Variants in NRG3 observed in about 807,000 individuals in gnomAD.
NRG3 encodes the protein pro-neuregulin-3, membrane-bound isoform.
Under a neutral mutation model 66.9 loss-of-function variants are expected in NRG3, and 31 were observed. That is an observed-to-expected ratio of 0.46 (90% confidence interval 0.35 to 0.63). NRG3 has a LOEUF of 0.63. Among genes scored for constraint, NRG3 ranks in the 20% least tolerant of loss-of-function variants. The pLI, the probability that NRG3 is intolerant of heterozygous loss-of-function variation, is 0.00. For synonymous variants in NRG3, 393 were observed against 359.4 expected, an observed-to-expected ratio of 1.09 and a Z score of -1.06; for missense variants, 910 against 878.9, an observed-to-expected ratio of 1.04 and a Z score of -0.45.
chr10:82,681,277 A>G (rs1053029890), intron 2 of NRG3, among the ~76,000 whole-genome samples: 1 of 149,678 alleles, frequency 6.7e-6, no homozygotes. Flanking sequence ...AATTTACTAT[A>G]TTTTCTGAAA....
intron 1 of NRG3, among the ~76,000 whole-genome samples, chr10:82,044,109 A>G (rs2063157256): frequency 6.6e-6 from 1 of 151,958 alleles, no homozygotes; most frequent in Non-Finnish European, 1.5e-5. Context: ...TCCTACCACC[A>G]CACAGTTAAC....
At chr10:82,887,543 C>T (rs1182017350) in intron 4 of NRG3, among the ~76,000 whole-genome samples, 1 of 152,166 alleles carries the variant, frequency 6.6e-6, no homozygotes, top group Admixed American at 6.5e-5. Flanking sequence ...TGCATGAAAG[C>T]ATGACACGTA....
intron 2 of NRG3, among the ~76,000 whole-genome samples, chr10:82,588,128 G>A (rs912353689): frequency 6.6e-6 from 1 of 152,062 alleles, no homozygotes; most frequent in Non-Finnish European, 1.5e-5. Flanking sequence ...GTGAGCACAG[G>A]CCTACCCAGG....
intron 2 of NRG3, among the ~76,000 whole-genome samples, chr10:82,599,958 G>T (rs2047517615): frequency 1.3e-5 from 2 of 152,112 alleles, no homozygotes; most frequent in South Asian, 2.1e-4. Context: ...ATATCTCAGA[G>T]CTGTCCAATG....
At chr10:82,429,132 T>A (rs1937981) in intron 2 of NRG3, among the ~76,000 whole-genome samples, 35,488 of 151,906 alleles carry the variant, frequency 0.23, 6,452 homozygotes, top group African/African-American at 0.51. Flanking sequence ...TCCTCTTTGT[T>A]CTATTATTGA....
chr10:82,872,204 C>T (rs975559924), intron 4 of NRG3, among the ~76,000 whole-genome samples: 9 of 152,138 alleles, frequency 5.9e-5, no homozygotes, highest in South Asian at 2.1e-4. Flanking sequence ...TGATGGATTA[C>T]ATTAATTATT....
chr10:82,707,900 T>C (rs1469500061), intron 2 of NRG3, among the ~76,000 whole-genome samples: 2 of 147,008 alleles, frequency 1.4e-5, no homozygotes, highest in African/African-American at 5.0e-5. Context: ...CGCATGCCTG[T>C]AATCCCAGCT....
intron 2 of NRG3, among the ~76,000 whole-genome samples, chr10:82,612,289 C>A (rs537705191): frequency 2.6e-5 from 4 of 151,936 alleles, no homozygotes; most frequent in Non-Finnish European, 4.4e-5. Context: ...TCCTTTCTTC[C>A]TTCCATCTTG....
chr10:81,998,693 A>T (rs1212757818), intron 1 of NRG3, among the ~76,000 whole-genome samples: 3 of 152,222 alleles, frequency 2.0e-5, no homozygotes, highest in Non-Finnish European at 4.4e-5. Flanking sequence ...AATGTTAATC[A>T]TCTCCTCTAT....
chr10:82,548,039 G>GT (rs57096412), intron 2 of NRG3, among the ~76,000 whole-genome samples: 8,749 of 120,956 alleles, frequency 0.072, 629 homozygotes, highest in East Asian at 0.2. Flanking sequence ...CTCATGCCAC[G>GT]TTTTTTTTTT....
intron 2 of NRG3, among the ~76,000 whole-genome samples, chr10:82,443,836 C>T (rs574608769): frequency 6.6e-6 from 1 of 152,276 alleles, no homozygotes; most frequent in South Asian, 2.1e-4. Flanking sequence ...CCTGGAAACT[C>T]ACTATGATGT....
chr10:82,976,770 C>G (rs540418863), intron 7 of NRG3, among the ~76,000 whole-genome samples: 34 of 152,128 alleles, frequency 2.2e-4, no homozygotes, highest in Admixed American at 7.2e-4. Context: ...GCACTTGTGT[C>G]CCCTTCCTCC....
intron 2 of NRG3, among the ~76,000 whole-genome samples, chr10:82,410,986 G>A (rs1219428994): frequency 6.6e-6 from 1 of 152,086 alleles, no homozygotes. Context: ...TTGCAAATCT[G>A]TATTTCAAAG....
At chr10:82,681,021 G>T (rs907012829) in intron 2 of NRG3, among the ~76,000 whole-genome samples, 1 of 152,316 alleles carries the variant, frequency 6.6e-6, no homozygotes, top group Middle Eastern at 3.4e-3. Flanking sequence ...GAGCCTTGAA[G>T]CCCAGGGTCT....
chr10:82,665,238 G>A (rs968662610), intron 2 of NRG3, among the ~76,000 whole-genome samples: 1 of 152,160 alleles, frequency 6.6e-6, no homozygotes, highest in African/African-American at 2.4e-5. Context: ...ATATCCTGCT[G>A]ATTACTCAAG....
chr10:82,384,896 CA>C (rs1234333332), intron 2 of NRG3, among the ~76,000 whole-genome samples: 1 of 152,232 alleles, frequency 6.6e-6, no homozygotes, highest in African/African-American at 2.4e-5. Context: ...CTCCCACCAA[CA>C]GTGTAAAAAC....
intron 1 of NRG3, among the ~76,000 whole-genome samples, chr10:82,241,143 C>A (rs1177139712): frequency 5.3e-5 from 8 of 151,910 alleles, no homozygotes; most frequent in East Asian, 1.9e-4. Context: ...GGTGTGAGGA[C>A]AAAAACTTGC....
chr10:82,729,797 G>A (rs534880110), intron 2 of NRG3, among the ~76,000 whole-genome samples: 2 of 152,312 alleles, frequency 1.3e-5, no homozygotes, highest in African/African-American at 4.8e-5. Flanking sequence ...ACGGCTAGCT[G>A]CTGGACACAA....
intron 2 of NRG3, among the ~76,000 whole-genome samples, chr10:82,699,352 G>A (rs1173674487): frequency 2.6e-5 from 4 of 151,510 alleles, no homozygotes; most frequent in Non-Finnish European, 5.9e-5. Flanking sequence ...AGGGATGGAG[G>A]GAGGAAGTAT....
Sources: allele counts gnomAD v4.1 joint callset (sites outside exome capture counted in the v4.1 genomes callset), GRCh38; gene constraint gnomAD v4.1.1; transcripts MANE v1.5; gene names NCBI Gene and HGNC (gene_info 2026-07-23, HGNC 2026-07-21).